The following TSGA10 variants were observed in gnomAD, a reference collection of about 807,000 sequenced individuals.
The protein encoded by TSGA10 is testis specific 10, also known as testis-specific gene 10 protein.
Under a neutral mutation model 96.6 loss-of-function variants are expected in TSGA10, and 43 were observed. The ratio of observed to expected loss-of-function variants is 0.44; its 90% CI spans 0.35 to 0.57. TSGA10 has a LOEUF of 0.57. Among genes scored for constraint, TSGA10 ranks in the 20% least tolerant of loss-of-function variants. The pLI is 0.01. For missense variants in TSGA10, 703 were observed against 834.4 expected (o/e 0.84, Z 1.94); for synonymous variants, 229 against 269.9 (o/e 0.85, Z 1.48).
intron 15 of TSGA10, 71 bp from the exon 16 acceptor site, chr2:99,065,195 G>C: frequency 6.7e-7 from 1 of 1,503,270 alleles, no homozygotes; most frequent in Non-Finnish European, 9.0e-7. Flanking sequence ...TATTATCCAA[G>C]TCATTGGGAA....
chr2:99,107,633 G>A (rs2091467323), intron 7 of TSGA10, among the ~76,000 whole-genome samples: 1 of 152,110 alleles, frequency 6.6e-6, no homozygotes, highest in East Asian at 1.9e-4. Context: ...TTTTTAAATG[G>A]TTGGGGAAAA....
intron 20 of TSGA10, among the ~76,000 whole-genome samples, chr2:99,007,036 A>G (rs1056955626): frequency 6.6e-6 from 1 of 152,132 alleles, no homozygotes; most frequent in African/African-American, 2.4e-5. Context: ...GCAAACTATC[A>G]CAATGACAGA....
At chr2:99,093,346 G>A (rs1419180360) in intron 10 of TSGA10, among the ~76,000 whole-genome samples, 1 of 152,232 alleles carries the variant, frequency 6.6e-6, no homozygotes, top group African/African-American at 2.4e-5. Context: ...ACTGGAAAAA[G>A]AAAAGGATGC....
chr2:99,015,750 A>G (rs2079464456), intron 20 of TSGA10, among the ~76,000 whole-genome samples: 1 of 152,128 alleles, frequency 6.6e-6, no homozygotes, highest in African/African-American at 2.4e-5. Context: ...AACCCTACAG[A>G]CTCATCCAAA....
At chr2:99,126,170 T>C (rs2092811432) in intron 2 of TSGA10, 1 of 152,512 alleles carries the variant, frequency 6.6e-6, no homozygotes, top group Non-Finnish European at 1.5e-5. Flanking sequence ...CTCCTTGTTA[T>C]AGTCTGGCAA....
intron 17 of TSGA10, among the ~76,000 whole-genome samples, chr2:99,032,326 C>G (rs1207198391): frequency 6.6e-6 from 1 of 152,178 alleles, no homozygotes; most frequent in African/African-American, 2.4e-5. Context: ...AATGATGAGA[C>G]AGCAGAAGAA....
chr2:99,045,198 GA>G (rs2082633862), intron 16 of TSGA10, among the ~76,000 whole-genome samples: 1 of 151,824 alleles, frequency 6.6e-6, no homozygotes, highest in Non-Finnish European at 1.5e-5. Context: ...AACTGAAGGA[GA>G]CAGAGACACA....
intron 10 of TSGA10, among the ~76,000 whole-genome samples, chr2:99,083,274 T>G (rs1035576837): frequency 1.3e-4 from 20 of 152,170 alleles, no homozygotes; most frequent in African/African-American, 3.6e-4. Context: ...CTATACTTTA[T>G]GCAAACTGAT....
intron 10 of TSGA10, among the ~76,000 whole-genome samples, chr2:99,099,906 A>G (rs2090498536): frequency 2.0e-5 from 3 of 152,190 alleles, no homozygotes; most frequent in Non-Finnish European, 4.4e-5. Flanking sequence ...TTATTTTTAC[A>G]TAACAGCCAC....
intron 1 of TSGA10, among the ~76,000 whole-genome samples, chr2:99,135,818 G>T (rs918198048): frequency 2.0e-5 from 3 of 152,110 alleles, no homozygotes; most frequent in African/African-American, 7.2e-5. Context: ...AGACCCACCT[G>T]GCCAACATGG....
intron 20 of TSGA10, among the ~76,000 whole-genome samples, chr2:99,016,226 C>T (rs372960326): frequency 3.7e-4 from 57 of 152,112 alleles, no homozygotes; most frequent in African/African-American, 1.3e-3. Flanking sequence ...GGAGGCATCA[C>T]ATTACCTGAC....
intron 1 of TSGA10, among the ~76,000 whole-genome samples, chr2:99,137,001 C>CTTTTTT (rs11430590): frequency 7.7e-6 from 1 of 129,278 alleles, no homozygotes; most frequent in Admixed American, 8.2e-5. Flanking sequence ...AACAGACTTC[C>CTTTTTT]TTTTTTTTTT....
intron 1 of TSGA10, chr2:99,147,449 A>G (rs1234682001): frequency 8.1e-6 from 13 of 1,613,848 alleles, no homozygotes; most frequent in Non-Finnish European, 1.1e-5. Flanking sequence ...GAGGCCCCCA[A>G]TAGACTTGTT....
chr2:99,105,246 TA>T, intron 9 of TSGA10, 112 bp downstream of exon 9: 1 of 882,416 alleles, frequency 1.1e-6, no homozygotes, highest in South Asian at 1.9e-5. Flanking sequence ...TTTAGGACTA[TA>T]AACACTATCT....
At chr2:99,101,814 C>T (rs570384962) in intron 10 of TSGA10, among the ~76,000 whole-genome samples, 19 of 152,140 alleles carry the variant, frequency 1.2e-4, no homozygotes, top group Non-Finnish European at 7.3e-5. Flanking sequence ...CTCAATACTC[C>T]ACTTACAAGA....
rs201138854 is a variant in TSGA10 at position 99,104,011 on chromosome 2, G to A, written c.567C>T (p.Thr189=). 1.5e-5 allele frequency: 25 copies of A among 1,613,812 alleles called. No homozygotes were observed. Among genetic ancestry groups the A allele is most frequent in the Admixed American group, 6.7e-5 (4 of 59,996 alleles). The part of the protein sequence containing the change: ...MKSLARKAMD[T]ESELGRQKAE... ...CTTTTTGTCTGCCAAGTTCACTTTC[G>A]GTATCCATTGCCTTTCTTGCTAGTG... is the stretch of plus-strand genomic sequence containing the variant. Residue 189 remains threonine (T), a synonymous_variant, in exon 10 of 21, where the codon ACC becomes ACT. Transcript: ENST00000393483.
chr2:99,149,075 G>A (rs188718974), intron 1 of TSGA10, among the ~76,000 whole-genome samples: 145 of 151,762 alleles, frequency 9.6e-4, no homozygotes, highest in African/African-American at 3.5e-3. Flanking sequence ...GGAGGCTGAG[G>A]CAGGAAAATC....
intron 1 of TSGA10, among the ~76,000 whole-genome samples, chr2:99,139,091 A>G (rs2105086443): frequency 6.6e-6 from 1 of 152,288 alleles, no homozygotes; most frequent in East Asian, 1.9e-4. Context: ...GAGTTCCTGT[A>G]TCTACAAAAA....
chr2:99,060,671 A>G (rs544506934), intron 16 of TSGA10, among the ~76,000 whole-genome samples: 24 of 152,296 alleles, frequency 1.6e-4, no homozygotes, highest in African/African-American at 5.3e-4. Context: ...TGGAGGATTT[A>G]ACTAACTCAT....
Sources: allele counts gnomAD v4.1 joint callset (sites outside exome capture counted in the v4.1 genomes callset), GRCh38; gene constraint gnomAD v4.1.1; transcripts MANE v1.5; gene names NCBI Gene and HGNC (gene_info 2026-07-23, HGNC 2026-07-21).